Variants in NDC1 observed in about 807,000 individuals in gnomAD.
NDC1 encodes the protein nucleoporin NDC1.
A neutral mutation model predicts 89.8 loss-of-function variants in NDC1; 24 were observed. The ratio of observed to expected loss-of-function variants is 0.27; its 90% confidence interval spans 0.19 to 0.38. NDC1 has a LOEUF of 0.38. NDC1 is among the 10% of genes least tolerant of loss of function. The probability of loss-of-function intolerance (pLI) is 1.00; values close to 1 mark genes in which losing one functional copy is unlikely to be tolerated. For synonymous variants in NDC1, 296 were observed against 284.8 expected (o/e 1.04, Z -0.39); for missense variants, 728 against 797.6 (o/e 0.91, Z 1.05).
chr1:53,785,457 G>A (rs536502377), intron 16 of NDC1, among the ~76,000 whole-genome samples: 4 of 152,152 alleles, frequency 2.6e-5, no homozygotes, highest in African/African-American at 9.7e-5. Context: ...ACATGAGAAG[G>A]TACTCACAAA....
At chr1:53,780,321 G>A (rs1414350455) in intron 16 of NDC1, among the ~76,000 whole-genome samples, 7 of 152,172 alleles carry the variant, frequency 4.6e-5, no homozygotes, top group Middle Eastern at 3.4e-3. Flanking sequence ...TGATCCACCC[G>A]CCTCAGCCTC....
At chr1:53,812,949 T>A (rs1648361246) in intron 6 of NDC1, among the ~76,000 whole-genome samples, 1 of 152,256 alleles carries the variant, frequency 6.6e-6, no homozygotes, top group South Asian at 2.1e-4. Context: ...TGGGGCTCTA[T>A]CTTCAGCCTC....
chr1:53,798,444 G>A (rs1248338816), intron 11 of NDC1, among the ~76,000 whole-genome samples: 1 of 151,560 alleles, frequency 6.6e-6, no homozygotes, highest in African/African-American at 2.4e-5. Context: ...TGGAATTACA[G>A]ATGTGAGCCA....
intron 9 of NDC1, among the ~76,000 whole-genome samples, chr1:53,805,545 A>G (rs1219674342): frequency 6.6e-6 from 1 of 152,142 alleles, no homozygotes; most frequent in Non-Finnish European, 1.5e-5. Flanking sequence ...CTGTAGATCT[A>G]GTTTAAAATT....
rs1434076959 is a variant in NDC1, at chr1:53,765,519, T to C, written c.*2451A>G. The C allele has an allele frequency of 6.6e-6, 1 of 152,038 alleles. No homozygotes were observed. The highest frequency in any genetic ancestry group is 1.5e-5 in the Non-Finnish European group (1 of 68,008). 9.4% of individuals were successfully genotyped at this position (152,038 alleles called of 1,614,324 possible). On this transcript the variant is annotated 3_prime_UTR_variant, in exon 18 of 18. Coordinates refer to ENST00000371429, the MANE Select transcript of NDC1 (RefSeq NM_018087.5). ...ATTTATTTTTCTACCCAATCCAGTA[T>C]CAACGATATACAAAAGGATATAAAC...
chr1:53,782,496 C>CGCAAGTCAGGAGGGAGCT (rs1647220646), intron 16 of NDC1, among the ~76,000 whole-genome samples: 1 of 152,074 alleles, frequency 6.6e-6, no homozygotes, highest in South Asian at 2.1e-4. Flanking sequence ...AAGGCATATA[C>CGCAAGTCAGGAGGGAGCT]GCAAGTCAGG....
intron 5 of NDC1, among the ~76,000 whole-genome samples, chr1:53,821,556 C>T (rs1244960452): frequency 6.6e-6 from 1 of 152,216 alleles, no homozygotes. Context: ...TGGAATTGCA[C>T]TATTCTGTGT....
intron 16 of NDC1, among the ~76,000 whole-genome samples, chr1:53,779,531 C>G (rs1393899593): frequency 8.5e-5 from 13 of 152,168 alleles, no homozygotes; most frequent in African/African-American, 3.1e-4. Flanking sequence ...GCACATCTGC[C>G]ATACTGCCAT....
intron 14 of NDC1, among the ~76,000 whole-genome samples, chr1:53,790,734 C>CA (rs1647468749): frequency 6.6e-6 from 1 of 152,004 alleles, no homozygotes; most frequent in Non-Finnish European, 1.5e-5. Context: ...ACAACAACAA[C>CA]AACAACAAAA....
intron 17 of NDC1, among the ~76,000 whole-genome samples, chr1:53,769,291 A>G (rs964995297): frequency 1.3e-5 from 2 of 152,238 alleles, no homozygotes; most frequent in Non-Finnish European, 2.9e-5. Context: ...CAAAGGATAG[A>G]AAGTTGCACA....
At chr1:53,825,650 C>T in intron 5 of NDC1, 148 bp downstream of exon 5, 1 of 664,400 alleles carries the variant, frequency 1.5e-6, no homozygotes. Context: ...CAAATCTCTT[C>T]TCGCTAAATG....
chr1:53,771,739 G>A (rs1359143380), intron 17 of NDC1, among the ~76,000 whole-genome samples: 2 of 152,218 alleles, frequency 1.3e-5, no homozygotes, highest in Non-Finnish European at 2.9e-5. Context: ...TATAAATACA[G>A]TTTAGTTACT....
intron 17 of NDC1, among the ~76,000 whole-genome samples, chr1:53,768,254 C>T (rs1647082788): frequency 6.6e-6 from 1 of 152,134 alleles, no homozygotes; most frequent in African/African-American, 2.4e-5. Context: ...AAAGACCAAA[C>T]AAATTAAGAC....
In NDC1 at chr1:53,828,138, T is replaced by A. The variant is rs61751026; in HGVS notation, c.316A>T (p.Ile106Leu). The A allele has an allele frequency of 6.2e-7, 1 of 1,614,050 alleles. No homozygotes were observed. Among genetic ancestry groups the A allele is most frequent in the East Asian group, 2.2e-5 (1 of 44,880 alleles). ...TGCTGAGGATGAATGATCTTCCCTA[T>A]CAGAGCTAGTCTGGAGCAAGGAATA... Reference protein sequence around the residue: ...PSIPCSRLALIGKIIHPQQLM... With the variant: ...PSIPCSRLALLGKIIHPQQLM... Residue 106 changes from isoleucine to leucine, a missense_variant, in exon 4 of 18, where the codon ATA becomes TTA. Physicochemically the swap from Ile to Leu is conservative, Grantham distance 5. Coordinates refer to ENST00000371429, the MANE Select transcript of NDC1 (RefSeq NM_018087.5).
At chr1:53,778,721 T>C (rs551724380) in intron 16 of NDC1, among the ~76,000 whole-genome samples, 1 of 152,252 alleles carries the variant, frequency 6.6e-6, no homozygotes, top group South Asian at 2.1e-4. Context: ...ATGAAGATAA[T>C]ATATGAATAG....
chr1:53,799,528 C>G (rs563915028), intron 11 of NDC1, among the ~76,000 whole-genome samples: 11 of 152,278 alleles, frequency 7.2e-5, no homozygotes, highest in African/African-American at 2.6e-4. Context: ...TTGCTTTGAT[C>G]TATATAGTGA....
At chr1:53,818,865 A>T in intron 6 of NDC1, 106 bp downstream of exon 6, 1 of 583,472 alleles carries the variant, frequency 1.7e-6, no homozygotes, top group Non-Finnish European at 3.0e-6. Flanking sequence ...AGCTAATCAC[A>T]TACCTATAAC....
intron 14 of NDC1, among the ~76,000 whole-genome samples, chr1:53,792,935 T>C (rs1647569417): frequency 6.6e-6 from 1 of 152,256 alleles, no homozygotes; most frequent in African/African-American, 2.4e-5. Context: ...ATGTGTTCAC[T>C]TTGTGAAGAT....
intron 11 of NDC1, among the ~76,000 whole-genome samples, chr1:53,798,984 T>C (rs1451985648): frequency 6.6e-6 from 1 of 152,224 alleles, no homozygotes; most frequent in Non-Finnish European, 1.5e-5. Flanking sequence ...GGCTGAGTGA[T>C]GGTATATGAC....
Sources: gnomAD v4.1 joint callset for allele counts (sites outside exome capture counted in the v4.1 genomes callset) on GRCh38, gnomAD v4.1.1 for gene constraint, MANE v1.5 for transcripts, NCBI Gene and HGNC (gene_info 2026-07-23, HGNC 2026-07-21) for gene names.